Variants in SLC26A9 observed in about 807,000 individuals in gnomAD.
SLC26A9 encodes the protein anion transporter/exchanger protein 9.
Under a neutral mutation model 87.1 loss-of-function variants are expected in SLC26A9, and 46 were observed. That is an observed-to-expected ratio of 0.53 (90% CI 0.42 to 0.67). The LOEUF is 0.67. Ranked by LOEUF, SLC26A9 falls within the 30% of genes least tolerant of loss-of-function variation. The pLI is 0.00. For missense variants in SLC26A9, 927 were observed against 1,018.3 expected (o/e 0.91, Z 1.22); for synonymous variants, 437 against 409.1 (o/e 1.07, Z -0.82).
At position 205,913,103 on chromosome 1, in the gene SLC26A9, C is replaced by T. The variant is rs973578188; in HGVS notation, c.*2254G>A. The T allele has an allele frequency of 6.6e-6, 1 of 152,140 alleles. No individual in the cohort carries two copies. Among genetic ancestry groups the T allele is most frequent in the Non-Finnish European group, 1.5e-5 (1 of 68,030 alleles). 9.4% of individuals were successfully genotyped at this position (152,140 alleles called of 1,614,324 possible). Reference sequence around the variant, plus strand: ...CAAAATGAACAAAAGGAGAATGAGGCTTAAATTAAATAAATTATGCAAATA... The same window carrying T: ...CAAAATGAACAAAAGGAGAATGAGGTTTAAATTAAATAAATTATGCAAATA... On this transcript the variant is annotated 3_prime_UTR_variant, in exon 21 of 21. Coordinates refer to ENST00000367135, the MANE Select transcript of SLC26A9 (RefSeq NM_052934.4).
At chr1:205,931,625 C>T (rs1419381822) in intron 5 of SLC26A9, among the ~76,000 whole-genome samples, 3 of 151,980 alleles carry the variant, frequency 2.0e-5, no homozygotes, top group African/African-American at 7.3e-5. Context: ...TACTACCAAG[C>T]CTGGATTATT....
intron 20 of SLC26A9, among the ~76,000 whole-genome samples, chr1:205,915,926 G>A (rs1346034379): frequency 6.6e-6 from 1 of 152,114 alleles, no homozygotes; most frequent in Non-Finnish European, 1.5e-5. Flanking sequence ...GGAGCTCAAT[G>A]TCAAAAAGAA....
At chr1:205,923,677 C>T (rs143102364) in intron 13 of SLC26A9, 64 bp from the exon 14 acceptor site, 1 of 1,599,120 alleles carries the variant, frequency 6.3e-7, no homozygotes, top group Non-Finnish European at 8.6e-7. Flanking sequence ...TGGAAGGGTG[C>T]CCCTGCTGGG....
intron 1 of SLC26A9, among the ~76,000 whole-genome samples, chr1:205,938,409 C>A (rs541597993): frequency 1.3e-5 from 2 of 152,248 alleles, no homozygotes; most frequent in East Asian, 1.9e-4. Flanking sequence ...TCCAGCCATG[C>A]CCCTCCAACC....
intron 5 of SLC26A9, 49 bp downstream of exon 5, chr1:205,931,811 G>T (rs769722940): frequency 1.3e-6 from 2 of 1,578,682 alleles, no homozygotes; most frequent in Non-Finnish European, 1.7e-6. Flanking sequence ...TGAGGGAGGG[G>T]CAGGGTGGTC....
At position 205,927,277 on chromosome 1, in the gene SLC26A9, C is replaced by T. The variant is rs769829217; in HGVS notation, c.1227G>A (p.Leu409=). The change falls in exon 11 of 21, where the codon CTG becomes CTA. Residue 409 remains leucine (L), a synonymous_variant. Transcript: ENST00000367135. Reference sequence around the variant, plus strand: ...TGATCATCACCACCAGAGACACACACAGGCTGGCCACCTATTCCGAGAAAG... The same window carrying T: ...TGATCATCACCACCAGAGACACACATAGGCTGGCCACCTATTCCGAGAAAG... The part of the protein sequence containing the change: ...GAGGKSQVAS[L]CVSLVVMITM... The T allele has an allele frequency of 1.7e-5, 27 of 1,614,064 alleles. No homozygotes were observed. The highest frequency in any genetic ancestry group is 6.7e-5 in the Admixed American group (4 of 60,000).
intron 5 of SLC26A9, 92 bp downstream of exon 5, chr1:205,931,768 C>A: frequency 1.3e-6 from 2 of 1,489,320 alleles, no homozygotes; most frequent in Non-Finnish European, 9.0e-7. Flanking sequence ...CACCCAGCCC[C>A]CTAAATCAGA....
intron 17 of SLC26A9, among the ~76,000 whole-genome samples, chr1:205,920,901 CT>C (rs140339440): frequency 0.022 from 3,425 of 152,310 alleles, 141 homozygotes; most frequent in African/African-American, 0.079. Context: ...TCAGCCAAGG[CT>C]GGCCTGGACT....
chr1:205,930,254 TA>T, intron 5 of SLC26A9, 198 bp from the exon 6 acceptor site: 1 of 452,896 alleles, frequency 2.2e-6, no homozygotes, highest in African/African-American at 1.9e-5. Flanking sequence ...TCAGCTCCTT[TA>T]GAGCATGGGC....
At chr1:205,937,498 C>T (rs181586558) in intron 1 of SLC26A9, among the ~76,000 whole-genome samples, 26 of 152,320 alleles carry the variant, frequency 1.7e-4, no homozygotes, top group African/African-American at 6.3e-4. Flanking sequence ...TCAGTTTCTT[C>T]ATCTGTAAAT....
rs765221801 is a variant in SLC26A9, at chr1:205,931,913, C to G, written c.499G>C (p.Ala167Pro). ...ESYVDTAAME[A>P]ERLHVSATLA... The stretch of plus-strand genomic sequence containing the variant: ...GTAGCTGACACGTGCAGCCTCTCAG[C>G]CTCCATGGCTGCTGTGTCCACATAG... Residue 167 changes from alanine to proline, a missense_variant, in exon 5 of 21, where the codon GCT (alanine) becomes CCT (proline). Physicochemically the swap from Ala to Pro is conservative, Grantham distance 27. Transcript: ENST00000367135. 1 of 1,614,198 alleles carries G rather than the reference C, an allele frequency of 6.2e-7. No individual in the cohort carries two copies. Among genetic ancestry groups the G allele is most frequent in the Non-Finnish European group, 8.5e-7 (1 of 1,180,030 alleles).
rs576656092 is a variant in SLC26A9, at chr1:205,916,254, G to A, written c.2329-850C>T. 5.3e-5 allele frequency among the ~76,000 whole-genome samples: 8 copies of A among 152,210 alleles called. No individual in the cohort carries two copies. The South Asian group carries it at 1.5e-3, about 28-fold the overall frequency. On this transcript the variant is annotated intron_variant, in intron 20 of 20. Transcript: ENST00000367135. ...TGGGACTACAGGCATGCACCACTAC[G>A]CCTGGCTAATTTTTGTGCTTTTAGT...
At chr1:205,929,440 G>A (rs1659220680) in intron 6 of SLC26A9, 84 bp from the exon 7 acceptor site, 1 of 1,552,696 alleles carries the variant, frequency 6.4e-7, no homozygotes, top group Non-Finnish European at 8.7e-7. Flanking sequence ...CCAGGGAAGG[G>A]ATGCCATCAA....
At chr1:205,938,045 C>T (rs548056534) in intron 1 of SLC26A9, among the ~76,000 whole-genome samples, 2 of 152,094 alleles carry the variant, frequency 1.3e-5, no homozygotes, top group African/African-American at 2.4e-5. Context: ...GTCTAAGTTC[C>T]GGTAGTGTGT....
At chr1:205,929,780 C>G (rs1192462853) in intron 6 of SLC26A9, 112 bp downstream of exon 6, 4 of 1,334,384 alleles carry the variant, frequency 3.0e-6, no homozygotes, top group African/African-American at 1.5e-5. Flanking sequence ...CTCTGAACAA[C>G]AGCTAAGCCA....
At position 205,927,275 on chromosome 1, in the gene SLC26A9, C is replaced by T. The variant is rs1304505341; in HGVS notation, c.1229G>A (p.Cys410Tyr). 1.2e-6 allele frequency: 2 copies of T among 1,614,192 alleles called. No homozygotes were observed. The highest frequency in any genetic ancestry group is 4.5e-5 in the East Asian group (2 of 44,886). The change falls in exon 11 of 21, where the codon TGT (cysteine) becomes TAT (tyrosine). Residue 410 changes from cysteine to tyrosine, a missense_variant. Transcript: ENST00000367135. ...GGTGATCATCACCACCAGAGACACACACAGGCTGGCCACCTATTCCGAGAA... is the reference window on the plus strand; with the variant it reads ...GGTGATCATCACCACCAGAGACACATACAGGCTGGCCACCTATTCCGAGAA... Reference protein sequence around the residue: ...AGGKSQVASLCVSLVVMITML... With the variant: ...AGGKSQVASLYVSLVVMITML...
chr1:205,918,492 A>G (rs971653982), intron 19 of SLC26A9, among the ~76,000 whole-genome samples: 3 of 152,148 alleles, frequency 2.0e-5, no homozygotes, highest in African/African-American at 7.2e-5. Flanking sequence ...AGGAGGAGGC[A>G]GGGAACGATG....
At position 205,927,446 on chromosome 1, in the gene SLC26A9, C is replaced by G. The variant is rs201813935; in HGVS notation, c.1215+46G>C. 1.2e-4 allele frequency: 189 copies of G among 1,590,836 alleles called. 1 individual carries two copies. In the East Asian group the frequency reaches 4.2e-3, roughly 35 times the overall value. On this transcript the variant is annotated intron_variant, in intron 10 of 20. Coordinates refer to ENST00000367135, the MANE Select transcript of SLC26A9 (RefSeq NM_052934.4). ...CAGTGCCCAGGCTTTTTTGGGGCAA[C>G]TGTTCTCTTACCACCTCCCCCCAAC... is the stretch of plus-strand genomic sequence containing the variant.
intron 13 of SLC26A9, among the ~76,000 whole-genome samples, chr1:205,924,058 G>C (rs1000337669): frequency 1.3e-5 from 2 of 152,180 alleles, no homozygotes; most frequent in Non-Finnish European, 2.9e-5. Context: ...CATTTGGTTT[G>C]GGGTTCTGGC....
Sources: allele counts gnomAD v4.1 joint callset (sites outside exome capture counted in the v4.1 genomes callset), GRCh38; gene constraint gnomAD v4.1.1; transcripts MANE v1.5; gene names NCBI Gene and HGNC (gene_info 2026-07-23, HGNC 2026-07-21).